The following ZRANB3 variants were observed in gnomAD, a reference collection of about 807,000 sequenced individuals.
ZRANB3 encodes DNA annealing helicase and endonuclease ZRANB3.
ZRANB3 carries 125 observed loss-of-function variants against 133.8 expected under a neutral mutation model. The ratio of observed to expected loss-of-function variants is 0.93; its 90% CI spans 0.81 to 1.08. The LOEUF (loss-of-function observed/expected upper bound fraction) is 1.08, where lower values mean the gene tolerates loss of function less well. ZRANB3 is among the 50% of genes least tolerant of loss of function. ZRANB3 has a pLI of 0.00. For synonymous variants in ZRANB3, 387 were observed against 432.7 expected (o/e 0.89, Z 1.31); for missense variants, 1,229 against 1,275.5 (o/e 0.96, Z 0.56).
intron 6 of ZRANB3, among the ~76,000 whole-genome samples, chr2:135,343,607 T>C (rs939872844): frequency 1.3e-5 from 2 of 149,604 alleles, no homozygotes; most frequent in South Asian, 2.1e-4. Context: ...AAAAAATGCA[T>C]TGGGAAACAA....
At chr2:135,429,662 G>A (rs1248713649) in intron 2 of ZRANB3, among the ~76,000 whole-genome samples, 4 of 152,000 alleles carry the variant, frequency 2.6e-5, no homozygotes, top group African/African-American at 9.7e-5. Context: ...TTCCATATTG[G>A]AGAGTTAACA....
chr2:135,377,371 C>A (rs562396085), intron 3 of ZRANB3, among the ~76,000 whole-genome samples: 35 of 152,146 alleles, frequency 2.3e-4, no homozygotes, highest in Non-Finnish European at 3.8e-4. Context: ...AATGGAGCAC[C>A]CAGGTCCTCA....
At chr2:135,473,533 G>A (rs1255463275) in intron 2 of ZRANB3, among the ~76,000 whole-genome samples, 1 of 149,694 alleles carries the variant, frequency 6.7e-6, no homozygotes, top group East Asian at 1.9e-4. Flanking sequence ...TCTCAAGATA[G>A]CTAGTAATAT....
At chr2:135,378,801 T>C (rs989439850) in intron 3 of ZRANB3, among the ~76,000 whole-genome samples, 10 of 152,222 alleles carry the variant, frequency 6.6e-5, no homozygotes, top group South Asian at 2.1e-4. Flanking sequence ...TGAATTCCAA[T>C]TAAGGGACAT....
rs548329160 is a variant in ZRANB3, at chr2:135,231,025, C to G, written c.1540-98G>C. 7 of 1,159,080 alleles carry G rather than the reference C, an allele frequency of 6.0e-6. No individual in the cohort carries two copies. The East Asian group carries it at 1.9e-4, about 32-fold the overall frequency. 71.8% of individuals were successfully genotyped at this position (1,159,080 alleles called of 1,614,324 possible). A position where few individuals can be genotyped will look rare whatever the true frequency, so the allele number is the denominator to read the frequency against. Reference sequence around the variant, plus strand: ...CAAAATATTTTAATTAACCATATTGCCTTATCCTTTAAATACCTTTTGGAA... The same window carrying G: ...CAAAATATTTTAATTAACCATATTGGCTTATCCTTTAAATACCTTTTGGAA... On this transcript the variant is annotated intron_variant, in intron 12 of 20. Coordinates refer to ENST00000264159, the MANE Select transcript of ZRANB3 (RefSeq NM_032143.4).
At position 135,265,700 on chromosome 2, in the gene ZRANB3, A is replaced by C; in HGVS notation, c.1387-14T>G. The C allele has an allele frequency of 6.2e-7, 1 of 1,605,376 alleles. No homozygotes were observed. Among genetic ancestry groups the C allele is most frequent in the African/African-American group, 1.3e-5 (1 of 74,648 alleles). ...TGTAACTTGAGCCTACAAGAGGAAAAAGTAAATGAATTTTTGAGCAGTTCA... is the reference window on the plus strand; with the variant it reads ...TGTAACTTGAGCCTACAAGAGGAAACAGTAAATGAATTTTTGAGCAGTTCA... On this transcript the variant is annotated splice_polypyrimidine_tract_variant and intron_variant, in intron 11 of 20. Transcript: ENST00000264159.
At chr2:135,481,601 C>G (rs1034520130) in intron 2 of ZRANB3, among the ~76,000 whole-genome samples, 1 of 150,864 alleles carries the variant, frequency 6.6e-6, no homozygotes, top group Non-Finnish European at 1.5e-5. Flanking sequence ...TTTTGCTGTG[C>G]AGAAGCTCTT....
intron 2 of ZRANB3, among the ~76,000 whole-genome samples, chr2:135,408,938 C>T (rs186203651): frequency 2.6e-5 from 4 of 151,802 alleles, no homozygotes; most frequent in Admixed American, 2.6e-4. Flanking sequence ...AACTAACCTG[C>T]ACGTTGGCAG....
At chr2:135,494,239 C>T (rs1371876662) in intron 2 of ZRANB3, among the ~76,000 whole-genome samples, 5 of 135,842 alleles carry the variant, frequency 3.7e-5, no homozygotes, top group African/African-American at 1.1e-4. Context: ...ACCCGAGAGG[C>T]GGAGCTTGCA....
chr2:135,313,353 C>CA (rs368770114), intron 8 of ZRANB3, 136 bp downstream of exon 8: 18,496 of 354,160 alleles, frequency 0.052, 20 homozygotes, highest in African/African-American at 0.082. Context: ...GCTCCCAACT[C>CA]AAAAAAAAAA....
intron 2 of ZRANB3, among the ~76,000 whole-genome samples, chr2:135,459,386 TAGTAAA>T (rs1317816014): frequency 6.6e-6 from 1 of 152,188 alleles, no homozygotes; most frequent in Non-Finnish European, 1.5e-5. Context: ...CCAGCTTGCC[TAGTAAA>T]ATTTGAAGCT....
chr2:135,277,407 A>G (rs1299807900), intron 8 of ZRANB3, among the ~76,000 whole-genome samples: 3 of 152,234 alleles, frequency 2.0e-5, no homozygotes, highest in Non-Finnish European at 4.4e-5. Flanking sequence ...GCAACCAACC[A>G]AAGATCAATA....
At chr2:135,254,519 G>A (rs1176711996) in intron 12 of ZRANB3, among the ~76,000 whole-genome samples, 2 of 151,866 alleles carry the variant, frequency 1.3e-5, no homozygotes, top group African/African-American at 2.4e-5. Flanking sequence ...AGGCTGAGGC[G>A]GGAGAATCAC....
At chr2:135,516,005 T>A (rs1381453491) in intron 1 of ZRANB3, among the ~76,000 whole-genome samples, 1 of 152,206 alleles carries the variant, frequency 6.6e-6, no homozygotes, top group Non-Finnish European at 1.5e-5. Flanking sequence ...GCTCTTCTTG[T>A]TGTACTGATC....
At chr2:135,469,904 C>T (rs945185444) in intron 2 of ZRANB3, among the ~76,000 whole-genome samples, 6 of 149,482 alleles carry the variant, frequency 4.0e-5, no homozygotes, top group South Asian at 2.1e-4. Context: ...CCCAGCTACT[C>T]GGGAGGCTGA....
chr2:135,235,127 T>G (rs939335569), intron 12 of ZRANB3, among the ~76,000 whole-genome samples: 28 of 152,100 alleles, frequency 1.8e-4, no homozygotes, highest in Non-Finnish European at 4.4e-5. Context: ...CCCACAGAAA[T>G]ACAAACTACC....
rs113948780 is a variant in ZRANB3 at position 135,262,073 on chromosome 2, T to C, written c.1539+3461A>G. Among the ~76,000 whole-genome samples, 451 of 150,578 alleles carry C rather than the reference T, an allele frequency of 3.0e-3. 3 individuals carry two copies. The highest frequency in any genetic ancestry group is 0.01 in the African/African-American group (419 of 40,832). Reference sequence around the variant, plus strand: ...TACTTGGGAGGCTGAGGCAGGAGCATTGCTTGAACCTAGGAGGTGGAGGTT... The same window carrying C: ...TACTTGGGAGGCTGAGGCAGGAGCACTGCTTGAACCTAGGAGGTGGAGGTT... On this transcript the variant is annotated intron_variant, in intron 12 of 20. Coordinates refer to ENST00000264159, the MANE Select transcript of ZRANB3 (RefSeq NM_032143.4).
intron 8 of ZRANB3, among the ~76,000 whole-genome samples, chr2:135,298,846 G>C (rs1206680463): frequency 2.0e-5 from 3 of 152,180 alleles, no homozygotes; most frequent in Non-Finnish European, 1.5e-5. Context: ...AGGATCTCAG[G>C]TTAGCCAGGA....
chr2:135,398,215 G>A (rs1207783633), intron 2 of ZRANB3, among the ~76,000 whole-genome samples: 2 of 151,744 alleles, frequency 1.3e-5, no homozygotes, highest in Non-Finnish European at 2.9e-5. Flanking sequence ...ATAGGTGCCC[G>A]CCACCACACC....
Sources: gnomAD v4.1 joint callset for allele counts (sites outside exome capture counted in the v4.1 genomes callset) on GRCh38, gnomAD v4.1.1 for gene constraint, MANE v1.5 for transcripts, NCBI Gene and HGNC (gene_info 2026-07-23, HGNC 2026-07-21) for gene names.